VPS16: variants seen among roughly 807,000 people sequenced by gnomAD.
The protein encoded by VPS16 is vacuolar protein sorting-associated protein 16 homolog.
In VPS16, 82 loss-of-function variants were observed where a neutral mutation model predicts 116.0. That is an observed-to-expected ratio of 0.71 (90% CI 0.59 to 0.85). The LOEUF (loss-of-function observed/expected upper bound fraction) is 0.85. Among genes scored for constraint, VPS16 ranks in the 40% least tolerant of loss-of-function variants. The pLI, the probability that VPS16 is intolerant of heterozygous loss-of-function variation, is 0.00. For missense variants in VPS16, 928 were observed against 1,090.6 expected, an observed-to-expected ratio of 0.85 and a Z score of 2.10; for synonymous variants, 406 against 420.7, an observed-to-expected ratio of 0.96 and a Z score of 0.43.
chr20:2,851,709 C>T (rs1056484509), intron 1 of VPS16, among the ~76,000 whole-genome samples: 6 of 151,050 alleles, frequency 4.0e-5, no homozygotes, highest in Admixed American at 1.3e-4. Flanking sequence ...GTGGCTCACA[C>T]CTGTAATCCC....
rs573010398 is a variant in VPS16 at position 2,847,734 on chromosome 20, C to G, written c.53+6907C>G. On this transcript the variant is annotated intron_variant, in intron 1 of 23. Coordinates refer to ENST00000380445, the MANE Select transcript of VPS16 (RefSeq NM_022575.4). ...CCTCATGATCCGCCTGTCTCGGCCTCCGGAAGTGCTAGGATTACAGGCGTG... is the reference window on the plus strand; with the variant it reads ...CCTCATGATCCGCCTGTCTCGGCCTGCGGAAGTGCTAGGATTACAGGCGTG... 3.9e-5 allele frequency among the ~76,000 whole-genome samples: 6 copies of G among 152,132 alleles called. No individual in the cohort carries two copies. In the South Asian group the frequency reaches 1.2e-3, roughly 32 times the overall value.
intron 1 of VPS16, among the ~76,000 whole-genome samples, chr20:2,858,718 G>C (rs1330851443): frequency 1.3e-5 from 2 of 151,826 alleles, no homozygotes; most frequent in African/African-American, 2.4e-5. Flanking sequence ...CATACCTCAA[G>C]CTCCCTACTC....
At position 2,866,585 on chromosome 20, in the gene VPS16, C is replaced by T. The variant is rs749775631; in HGVS notation, c.*11C>T. On this transcript the variant is annotated 3_prime_UTR_variant, in exon 24 of 24. Transcript: ENST00000380445. ...GCCCAGAAGAAGTGAGGAGTCCATC[C>T]TGTACATCTCAAGCAAGGGGTTCCT... 2.5e-6 allele frequency: 4 copies of T among 1,613,464 alleles called. No homozygotes were observed. The South Asian group carries it at 3.3e-5, about 13-fold the overall frequency.
chr20:2,848,128 T>C (rs1458154278), intron 1 of VPS16, among the ~76,000 whole-genome samples: 1 of 152,198 alleles, frequency 6.6e-6, no homozygotes, highest in African/African-American at 2.4e-5. Flanking sequence ...AGCAGGCAGA[T>C]TGGGACTGCT....
rs773964217 is a variant in VPS16 at position 2,862,858 on chromosome 20, G to A, written c.1255G>A (p.Val419Met). The A allele has an allele frequency of 2.0e-5, 32 of 1,613,998 alleles. No homozygotes were observed. Among genetic ancestry groups the A allele is most frequent in the South Asian group, 2.2e-5 (2 of 91,090 alleles). ...GGACAGATTTCCACCCGACAGCTTC[G>A]TGCACATGTGTCAGGACCTGCGTGT... ...FLDRFPPDSF[V>M]HMCQDLRVLN... The change falls in exon 13 of 24, where the codon GTG (valine) becomes ATG (methionine). Residue 419 changes from valine to methionine, a missense_variant. Val to Met is a conservative substitution (Grantham distance 21). Transcript: ENST00000380445.
intron 11 of VPS16, chr20:2,862,344 A>C (rs2089239216): frequency 1.0e-6 from 1 of 996,794 alleles, no homozygotes; most frequent in South Asian, 1.7e-5. Flanking sequence ...ATCCCCACCC[A>C]GTCTGGGTTA....
chr20:2,861,146 TTTTGG>T, intron 7 of VPS16, 54 bp downstream of exon 7: 1 of 1,614,180 alleles, frequency 6.2e-7, no homozygotes, highest in Non-Finnish European at 8.5e-7. Context: ...GTACAAGATC[TTTTGG>T]TGATGCGGGA....
rs1306722226 is a variant in VPS16, at chr20:2,865,205, G to A, written c.2062G>A (p.Gly688Arg). 6.2e-7 allele frequency: 1 copy of A among 1,614,042 alleles called. No individual in the cohort carries two copies. The highest frequency in any genetic ancestry group is 1.3e-5 in the African/African-American group (1 of 74,910). ...RLQRRLEDEL[G>R]GQFLDLSLHD... ...GCAGCGGCGCCTAGAAGACGAGCTG[G>A]GGGGCCAGTTCCTAGACCTGTCTCT... The change falls in exon 21 of 24, where the codon GGG (glycine) becomes AGG (arginine). Residue 688 changes from glycine (G) to arginine (R), a missense_variant. Physicochemically the swap from Gly to Arg is moderately radical, Grantham distance 125. Coordinates refer to ENST00000380445, the MANE Select transcript of VPS16 (RefSeq NM_022575.4). This position sits in a 1 kb window ranked among gnomAD's most constrained non-coding sequence, Gnocchi z 5.2.
intron 1 of VPS16, among the ~76,000 whole-genome samples, chr20:2,842,844 C>CGATAGATGTATCTATCGATA (rs2089011920): frequency 4.9e-5 from 1 of 20,222 alleles, no homozygotes; most frequent in Admixed American, 5.8e-4. Flanking sequence ...ATGTATCTAT[C>CGATAGATGTATCTATCGATA]GATAGATAGA....
rs2089333055 is a variant in VPS16 at position 2,865,917 on chromosome 20, T to C, written c.2272-295T>C. ...GTCAATCACAAGAGAACACAGGAAA[T>C]GTGAGGGCTGGTGGCAGGAACGCCT... On this transcript the variant is annotated intron_variant, in intron 22 of 23. Transcript: ENST00000380445. The surrounding 1 kb of genome is among the most constrained non-coding windows in gnomAD (Gnocchi z 5.2). 2.0e-6 allele frequency: 1 copy of C among 489,184 alleles called. No homozygotes were observed. Among genetic ancestry groups the C allele is most frequent in the Non-Finnish European group, 3.7e-6 (1 of 269,502 alleles). 30.3% of individuals were successfully genotyped at this position (489,184 alleles called of 1,614,324 possible).
chr20:2,864,595 G>C lies in VPS16; in HGVS notation c.1867G>C (p.Asp623His). ...GACGCTGAAGGACCTTTACAATCAG[G>C]ATGACAATCACCAGGAATTGGGCAG... ...LETLKDLYNQDDNHQELGSFH... is the reference protein window; with the variant it reads ...LETLKDLYNQHDNHQELGSFH... The change falls in exon 19 of 24, where the codon GAT (aspartate) becomes CAT (histidine). Residue 623 changes from aspartate to histidine, a missense_variant. By Grantham distance (81) the Asp-to-His change is moderately conservative (BLOSUM62 -1). Coordinates refer to ENST00000380445, the MANE Select transcript of VPS16 (RefSeq NM_022575.4). The surrounding 1 kb of genome is among the most constrained non-coding windows in gnomAD (Gnocchi z 5.2). 6.2e-7 allele frequency: 1 copy of C among 1,614,138 alleles called. No homozygotes were observed. Among genetic ancestry groups the C allele is most frequent in the African/African-American group, 1.3e-5 (1 of 75,018 alleles).
In VPS16 at chr20:2,863,478, C is replaced by A; in HGVS notation, c.1476+80C>A. ...GGTGGAGGAAATAGAAAGTGTAGAA[C>A]TGCGCTGGGCACGGTGGCTCATGCC... is the stretch of plus-strand genomic sequence containing the variant. On this transcript the variant is annotated intron_variant, in intron 15 of 23. Coordinates refer to ENST00000380445, the MANE Select transcript of VPS16 (RefSeq NM_022575.4). The surrounding 1 kb of genome is among the most constrained non-coding windows in gnomAD (Gnocchi z 4.4). The A allele has an allele frequency of 2.8e-6, 4 of 1,419,014 alleles. No individual in the cohort carries two copies. Among genetic ancestry groups the A allele is most frequent in the African/African-American group, 1.4e-5 (1 of 71,102 alleles). 87.9% of individuals were successfully genotyped at this position (1,419,014 alleles called of 1,614,324 possible). A position where few individuals can be genotyped will look rare whatever the true frequency, so the allele number is the denominator to read the frequency against.
intron 1 of VPS16, among the ~76,000 whole-genome samples, chr20:2,856,483 A>G (rs2089173029): frequency 6.6e-6 from 1 of 152,230 alleles, no homozygotes; most frequent in African/African-American, 2.4e-5. Context: ...TGTTGCCACA[A>G]ACCTTCAATT....
chr20:2,858,957 G>C (rs1451671269), intron 1 of VPS16, among the ~76,000 whole-genome samples: 1 of 152,068 alleles, frequency 6.6e-6, no homozygotes, highest in Non-Finnish European at 1.5e-5. Flanking sequence ...TCATCAATAA[G>C]CATAGAGCTG....
Position 2,862,644 on chromosome 20 carries a change from C to T in VPS16, c.1137C>T (p.Ala379=), listed in dbSNP as rs778627113. The T allele has an allele frequency of 9.9e-6, 16 of 1,612,030 alleles. No individual in the cohort carries two copies. Among genetic ancestry groups the T allele is most frequent in the South Asian group, 2.2e-5 (2 of 91,048 alleles). The change falls in exon 12 of 24, where the codon GCC becomes GCT. Residue 379 remains alanine (A), a synonymous_variant. Coordinates refer to ENST00000380445, the MANE Select transcript of VPS16 (RefSeq NM_022575.4). ...EIQELGQLTQ[A]VQQCIEAAGH... ...AGGAGCTGGGCCAGCTGACCCAGGCCGTGCAGCAGTGCATTGAGGCTGCAG... is the reference window on the plus strand; with the variant it reads ...AGGAGCTGGGCCAGCTGACCCAGGCTGTGCAGCAGTGCATTGAGGCTGCAG...
At position 2,865,270 on chromosome 20, in the gene VPS16, C is replaced by T; in HGVS notation, c.2127C>T (p.Asn709=). ...CCACCCTCATTCTTGGCGGTCACAA[C>T]AAGCGTGCAGAGCAGCTGGCACGTG... ...TVTTLILGGH[N]KRAEQLARDF... Residue 709 remains asparagine, a synonymous_variant, in exon 21 of 24, where the codon AAC becomes AAT. Transcript: ENST00000380445. The surrounding 1 kb of genome is among the most constrained non-coding windows in gnomAD (Gnocchi z 5.2). The T allele has an allele frequency of 6.2e-7, 1 of 1,614,210 alleles. No individual in the cohort carries two copies. Among genetic ancestry groups the T allele is most frequent in the Non-Finnish European group, 8.5e-7 (1 of 1,180,044 alleles).
rs1282204250 is a variant in VPS16 at position 2,862,081 on chromosome 20, C to T, written c.1022C>T (p.Ala341Val). The T allele has an allele frequency of 1.2e-6, 2 of 1,613,982 alleles. No individual in the cohort carries two copies. The highest frequency in any genetic ancestry group is 1.7e-6 in the Non-Finnish European group (2 of 1,179,976). ...PAASEEIFKIASMAPGALLLE... is the reference protein window; with the variant it reads ...PAASEEIFKIVSMAPGALLLE... ...GCCAGCGAGGAAATCTTCAAAATTG[C>T]CTCAATGGCCCCCGGGGCGCTGCTC... The change falls in exon 11 of 24, where the codon GCC (alanine) becomes GTC (valine). Residue 341 changes from alanine (A) to valine (V), a missense_variant. Ala to Val is a moderately conservative substitution (Grantham distance 64, BLOSUM62 0). Transcript: ENST00000380445.
In VPS16 at chr20:2,848,750, A is replaced by G. The variant is rs575381640; in HGVS notation, c.53+7923A>G. Among the ~76,000 whole-genome samples, 11 of 152,224 alleles carry G rather than the reference A, an allele frequency of 7.2e-5. No homozygotes were observed. The South Asian group carries it at 8.3e-4, about 11-fold the overall frequency. On this transcript the variant is annotated intron_variant, in intron 1 of 23. Transcript: ENST00000380445. ...CTGCAGTGCTTTGCAGAATGCCACA[A>G]TGCTGGATAGAGCATTCTGTAAATC...
At chr20:2,861,571 G>A (rs1314511330) in intron 8 of VPS16, 44 bp from the exon 9 acceptor site, 1 of 1,564,552 alleles carries the variant, frequency 6.4e-7, no homozygotes, top group East Asian at 2.3e-5. Context: ...TGGGAGACAT[G>A]GCCATGGGAC....
Sources: gnomAD v4.1 joint callset for allele counts (sites outside exome capture counted in the v4.1 genomes callset) on GRCh38, gnomAD v4.1.1 for gene constraint, Gnocchi (gnomAD v3.1) non-coding constraint, MANE v1.5 for transcripts, NCBI Gene and HGNC (gene_info 2026-07-23, HGNC 2026-07-21) for gene names.